The following MYO1D variants were observed in gnomAD, a reference collection of about 807,000 sequenced individuals.
The protein encoded by MYO1D is unconventional myosin-Id.
Under a neutral mutation model 122.0 loss-of-function variants are expected in MYO1D, and 83 were observed. The ratio of observed to expected loss-of-function variants is 0.68; its 90% CI spans 0.57 to 0.82. The LOEUF (loss-of-function observed/expected upper bound fraction) is 0.82, where lower values mean the gene tolerates loss of function less well. MYO1D is among the 40% of genes least tolerant of loss of function. The probability of loss-of-function intolerance (pLI) is 0.00; values close to 1 mark genes in which losing one functional copy is unlikely to be tolerated. For missense variants in MYO1D, 1,157 were observed against 1,269.5 expected, an observed-to-expected ratio of 0.91 and a Z score of 1.35; for synonymous variants, 464 against 446.9, an observed-to-expected ratio of 1.04 and a Z score of -0.48.
chr17:32,645,709 T>G (rs2150944766), intron 19 of MYO1D, among the ~76,000 whole-genome samples: 1 of 152,346 alleles, frequency 6.6e-6, no homozygotes, highest in African/African-American at 2.4e-5. Context: ...TACTGAAGCT[T>G]GTGCATTCGT....
chr17:32,862,268 TTTTG>T (rs1325383485), intron 1 of MYO1D, among the ~76,000 whole-genome samples: 1 of 152,366 alleles, frequency 6.6e-6, no homozygotes, highest in African/African-American at 2.4e-5. Flanking sequence ...GTAGTTATCC[TTTTG>T]TTTGTTTACT....
intron 14 of MYO1D, among the ~76,000 whole-genome samples, chr17:32,725,377 G>A (rs2089559790): frequency 6.6e-6 from 1 of 151,940 alleles, no homozygotes; most frequent in Admixed American, 6.6e-5. Flanking sequence ...AAAATTAGCT[G>A]GGCATGGTGG....
At chr17:32,856,506 G>A (rs1197575105) in intron 1 of MYO1D, among the ~76,000 whole-genome samples, 1 of 152,100 alleles carries the variant, frequency 6.6e-6, no homozygotes, top group Non-Finnish European at 1.5e-5. Flanking sequence ...ACTACAAACT[G>A]TTTTCCACCT....
chr17:32,873,917 A>C (rs898697120), intron 1 of MYO1D, among the ~76,000 whole-genome samples: 3 of 152,162 alleles, frequency 2.0e-5, no homozygotes, highest in African/African-American at 7.2e-5. Flanking sequence ...CCATATGGAG[A>C]GCTGGTGATT....
chr17:32,575,139 T>C (rs2087267033), intron 21 of MYO1D, among the ~76,000 whole-genome samples: 1 of 152,202 alleles, frequency 6.6e-6, no homozygotes, highest in South Asian at 2.1e-4. Flanking sequence ...GAATCCCAAA[T>C]TTATGTACTG....
At chr17:32,540,881 G>C (rs1910817926) in intron 21 of MYO1D, among the ~76,000 whole-genome samples, 1 of 145,920 alleles carries the variant, frequency 6.9e-6, no homozygotes, top group South Asian at 2.2e-4. Context: ...AGCCGAGATT[G>C]TGCCACTGCA....
chr17:32,557,226 C>G (rs1381305642), intron 21 of MYO1D, among the ~76,000 whole-genome samples: 1 of 151,186 alleles, frequency 6.6e-6, no homozygotes, highest in Non-Finnish European at 1.5e-5. Flanking sequence ...TCAAGCTGTT[C>G]TCCTGCCTCA....
chr17:32,690,472 A>C (rs1197092760), intron 16 of MYO1D, among the ~76,000 whole-genome samples: 1 of 152,120 alleles, frequency 6.6e-6, no homozygotes, highest in Non-Finnish European at 1.5e-5. Flanking sequence ...ACAGCACCTG[A>C]CCGAGTGTTT....
intron 21 of MYO1D, among the ~76,000 whole-genome samples, chr17:32,513,805 C>A (rs962309361): frequency 4.6e-5 from 7 of 151,968 alleles, no homozygotes; most frequent in Non-Finnish European, 1.0e-4. Context: ...TTCTCACCCA[C>A]CCCAAACGCC....
At chr17:32,686,964 A>AC (rs2089018610) in intron 16 of MYO1D, among the ~76,000 whole-genome samples, 1 of 145,432 alleles carries the variant, frequency 6.9e-6, no homozygotes, top group Non-Finnish European at 1.5e-5. Flanking sequence ...CCTGTTTCAA[A>AC]ACACACACAC....
At position 32,825,600 on chromosome 17, in the gene MYO1D, T is replaced by C. The variant is rs2090715234; in HGVS notation, c.96-44816A>G. Among the ~76,000 whole-genome samples the C allele has an allele frequency of 3.3e-5, 5 of 152,240 alleles. No homozygotes were observed. In the South Asian group the frequency reaches 1.0e-3, roughly 31 times the overall value. ...GCACCACTGCACCCGGCCCAATTTT[T>C]CTTTAAGCAAGGTCACATGCTCATA... On this transcript the variant is annotated intron_variant, in intron 1 of 21. Coordinates refer to ENST00000318217, the MANE Select transcript of MYO1D (RefSeq NM_015194.3).
At chr17:32,634,968 C>G (rs1159515548) in intron 20 of MYO1D, among the ~76,000 whole-genome samples, 1 of 152,162 alleles carries the variant, frequency 6.6e-6, no homozygotes, top group African/African-American at 2.4e-5. Context: ...AGTTATACCC[C>G]AAAATGAATA....
At chr17:32,596,048 T>C (rs1402749831) in intron 21 of MYO1D, among the ~76,000 whole-genome samples, 1 of 152,190 alleles carries the variant, frequency 6.6e-6, no homozygotes, top group East Asian at 1.9e-4. Flanking sequence ...TGTATCTCTA[T>C]TGGAAGGCAG....
intron 15 of MYO1D, among the ~76,000 whole-genome samples, chr17:32,713,716 C>T (rs1306999310): frequency 1.3e-5 from 2 of 152,140 alleles, no homozygotes; most frequent in Non-Finnish European, 2.9e-5. Flanking sequence ...CAACCCCCGC[C>T]TCCCGGTCCA....
intron 21 of MYO1D, among the ~76,000 whole-genome samples, chr17:32,504,133 G>T (rs1430051161): frequency 6.6e-6 from 1 of 152,186 alleles, no homozygotes; most frequent in Non-Finnish European, 1.5e-5. Flanking sequence ...TCATATCTGG[G>T]TGTTGTCGGC....
chr17:32,575,525 G>A (rs999566343), intron 21 of MYO1D, among the ~76,000 whole-genome samples: 1 of 152,184 alleles, frequency 6.6e-6, no homozygotes, highest in Non-Finnish European at 1.5e-5. Flanking sequence ...GAGATTTTCT[G>A]GGGTGACTTA....
At chr17:32,844,967 C>T (rs2090921809) in intron 1 of MYO1D, among the ~76,000 whole-genome samples, 1 of 150,588 alleles carries the variant, frequency 6.6e-6, no homozygotes. Flanking sequence ...AAAATGTCAA[C>T]AGTACACCTT....
At chr17:32,612,696 C>CAAAAAAAAAAAAAAAA (rs1158470135) in intron 20 of MYO1D, among the ~76,000 whole-genome samples, 28 of 104,334 alleles carry the variant, frequency 2.7e-4, no homozygotes, top group Non-Finnish European at 3.2e-4. Context: ...AAAAAAAAAA[C>CAAAAAAAAAAAAAAAA]AAAAAAAAAA....
rs908658420 is a variant in MYO1D at position 32,791,359 on chromosome 17, G to A, written c.96-10575C>T. Among the ~76,000 whole-genome samples, 18 of 109,560 alleles carry A rather than the reference G, an allele frequency of 1.6e-4. No homozygotes were observed. The South Asian group carries it at 4.7e-3, about 28-fold the overall frequency. 71.9% of individuals were successfully genotyped at this position (109,560 alleles called of 152,430 possible). A position where few individuals can be genotyped will look rare whatever the true frequency, so the allele number is the denominator to read the frequency against. On this transcript the variant is annotated intron_variant, in intron 1 of 21. Transcript: ENST00000318217. The stretch of plus-strand genomic sequence containing the variant: ...AGCCTGGGCAGCAGAGCGAGACTCC[G>A]TCTCAAAAAAAAAAAAAAAAAAAAA...
Sources: allele counts gnomAD v4.1 joint callset (sites outside exome capture counted in the v4.1 genomes callset), GRCh38; gene constraint gnomAD v4.1.1; transcripts MANE v1.5; gene names NCBI Gene and HGNC (gene_info 2026-07-23, HGNC 2026-07-21).